RAD17: variants seen among roughly 807,000 people sequenced by gnomAD.
RAD17 encodes cell cycle checkpoint protein RAD17.
In RAD17, 31 loss-of-function variants were observed where a neutral mutation model predicts 81.5. The observed-to-expected ratio is 0.38, with a 90% CI of 0.29 to 0.51. The LOEUF is 0.51. RAD17 is among the 20% of genes least tolerant of loss of function. The pLI is 0.88. For synonymous variants in RAD17, 261 were observed against 266.2 expected (o/e 0.98, Z 0.19); for missense variants, 681 against 781.2 (o/e 0.87, Z 1.53).
chr5:69,394,964 AT>A (rs1379631857), intron 15 of RAD17, among the ~76,000 whole-genome samples: 1 of 152,118 alleles, frequency 6.6e-6, no homozygotes, highest in African/African-American at 2.4e-5. Flanking sequence ...AGGTGGGAGG[AT>A]GGCTTGAGCC....
chr5:69,396,256 T>A, intron 15 of RAD17, 141 bp from the exon 16 acceptor site: 1 of 802,578 alleles, frequency 1.2e-6, no homozygotes, highest in Non-Finnish European at 1.8e-6. Flanking sequence ...TTTATAGTGC[T>A]GTTATTTATA....
chr5:69,401,446 TATG>T (rs1317504827), intron 17 of RAD17, among the ~76,000 whole-genome samples: 5 of 152,140 alleles, frequency 3.3e-5, no homozygotes, highest in South Asian at 2.1e-4. Context: ...TATTTAACCT[TATG>T]ATGGATATTT....
At chr5:69,395,809 G>A (rs1194495211) in intron 15 of RAD17, among the ~76,000 whole-genome samples, 1 of 151,966 alleles carries the variant, frequency 6.6e-6, no homozygotes, top group African/African-American at 2.4e-5. Context: ...ATTTGTTTCT[G>A]GCTGAATAAT....
rs1290908851 is a variant in RAD17, at chr5:69,414,740, T to G, written c.*448T>G. The G allele has an allele frequency of 1.7e-5, 3 of 171,680 alleles. No individual in the cohort carries two copies. Among genetic ancestry groups the G allele is most frequent in the Non-Finnish European group, 2.5e-5 (2 of 79,650 alleles). The allele number at this position is 171,680 out of a possible 1,614,324, so 10.6% of individuals were successfully genotyped here. On this transcript the variant is annotated 3_prime_UTR_variant, in exon 19 of 19. Transcript: ENST00000354868. ...TTTTGATGTGTTGTACAGTGGAATATCTTAGATACTTTTTGGAAAGTATTT... is the reference window on the plus strand; with the variant it reads ...TTTTGATGTGTTGTACAGTGGAATAGCTTAGATACTTTTTGGAAAGTATTT...
At chr5:69,373,179 T>C (rs894836975) in intron 4 of RAD17, among the ~76,000 whole-genome samples, 4 of 152,228 alleles carry the variant, frequency 2.6e-5, no homozygotes, top group Non-Finnish European at 4.4e-5. Flanking sequence ...ATCATTTGTT[T>C]ATTTTGTTTT....
At chr5:69,410,009 T>G (rs1357316389) in intron 17 of RAD17, among the ~76,000 whole-genome samples, 3 of 151,984 alleles carry the variant, frequency 2.0e-5, no homozygotes, top group Non-Finnish European at 4.4e-5. Flanking sequence ...TAAAGCTGAG[T>G]AATATTCCAT....
intron 8 of RAD17, 100 bp downstream of exon 8, chr5:69,385,033 C>T (rs150931089): frequency 0.022 from 23,107 of 1,048,870 alleles, 279 homozygotes; most frequent in Non-Finnish European, 0.026. Context: ...GATCTCAGCT[C>T]ATTGCAAGCT....
At chr5:69,371,327 A>G (rs1762969680) in intron 2 of RAD17, 127 bp from the exon 3 acceptor site, 4 of 488,946 alleles carry the variant, frequency 8.2e-6, no homozygotes, top group Non-Finnish European at 1.5e-5. Flanking sequence ...ACTTAAATTT[A>G]CTGTTCTTTT....
intron 2 of RAD17, 91 bp from the exon 3 acceptor site, chr5:69,371,363 A>G (rs1762971820): frequency 2.0e-6 from 1 of 497,420 alleles, no homozygotes; most frequent in Non-Finnish European, 3.6e-6. Flanking sequence ...CCTTTATTGT[A>G]TTGTTGATTA....
intron 15 of RAD17, among the ~76,000 whole-genome samples, chr5:69,395,648 G>GTACC (rs1399754858): frequency 1.3e-5 from 2 of 151,680 alleles, no homozygotes; most frequent in African/African-American, 2.4e-5. Flanking sequence ...AATGACCCCT[G>GTACC]TACCTCATAA....
At chr5:69,412,411 C>T (rs914967185) in intron 18 of RAD17, among the ~76,000 whole-genome samples, 6 of 152,008 alleles carry the variant, frequency 3.9e-5, no homozygotes, top group African/African-American at 1.5e-4. Context: ...TGTAATTCAA[C>T]CTACACGTTA....
intron 6 of RAD17, 46 bp downstream of exon 6, chr5:69,374,757 C>G: frequency 6.3e-6 from 9 of 1,434,674 alleles, no homozygotes; most frequent in Non-Finnish European, 8.7e-6. Flanking sequence ...AAATATTTTT[C>G]TGACTTACAG....
chr5:69,400,042 TA>T lies in RAD17; in HGVS notation c.1573-6del. 1 of 1,555,856 alleles carries T rather than the reference TA, an allele frequency of 6.4e-7. No individual in the cohort carries two copies. The highest frequency in any genetic ancestry group is 8.7e-7 in the Non-Finnish European group (1 of 1,151,076). On this transcript the variant is annotated splice_polypyrimidine_tract_variant and splice_region_variant and intron_variant, in intron 16 of 18. Transcript: ENST00000354868. ...CCTTTCATCTTTTTTTTTTCTTTTC[TA>T]TACAGTATCGGGAAAATTGCCTGGC...
At chr5:69,396,193 G>T (rs913319045) in intron 15 of RAD17, among the ~76,000 whole-genome samples, 2 of 152,124 alleles carry the variant, frequency 1.3e-5, no homozygotes, top group Admixed American at 6.6e-5. Context: ...TCCAGTCAGG[G>T]TTTACACATT....
intron 4 of RAD17, among the ~76,000 whole-genome samples, chr5:69,373,223 TTCAA>T (rs1763113890): frequency 6.6e-6 from 1 of 152,188 alleles, no homozygotes; most frequent in Non-Finnish European, 1.5e-5. Flanking sequence ...ATATTTATGT[TTCAA>T]TCCTACAGAG....
chr5:69,414,056 A>G lies in RAD17; in HGVS notation c.1777A>G (p.Arg593Gly), dbSNP rs1766213833. The stretch of plus-strand genomic sequence containing the variant: ...ATTGAAAATGGAAGCCCTGACTGAC[A>G]GGGAACATGGAATGATAGACCCTGA... ...GRLKMEALTD[R>G]EHGMIDPDSG... The change falls in exon 19 of 19, where the codon AGG becomes GGG. Residue 593 changes from arginine (R) to glycine (G), a missense_variant. Transcript: ENST00000354868. 1.9e-6 allele frequency: 3 copies of G among 1,614,246 alleles called. No homozygotes were observed. The highest frequency in any genetic ancestry group is 1.1e-5 in the South Asian group (1 of 91,086).
chr5:69,400,114 C>T lies in RAD17; in HGVS notation c.1638C>T (p.Leu546=), dbSNP rs371499914. 4 of 1,602,230 alleles carry T rather than the reference C, an allele frequency of 2.5e-6. No individual in the cohort carries two copies. The highest frequency in any genetic ancestry group is 1.7e-6 in the Non-Finnish European group (2 of 1,174,748). ...ACTTCTGCCTACCAGCTTTATGCCTCCAAACTCAGCTATTGCCATACCTTG... is the reference window on the plus strand; with the variant it reads ...ACTTCTGCCTACCAGCTTTATGCCTTCAAACTCAGCTATTGCCATACCTTG... ...FPDFCLPALC[L]QTQLLPYLAL... The change falls in exon 17 of 19, where the codon CTC becomes CTT. Residue 546 remains leucine (L), a synonymous_variant. Transcript: ENST00000354868.
At position 69,391,815 on chromosome 5, in the gene RAD17, G is replaced by T; in HGVS notation, c.1007-16G>T. On this transcript the variant is annotated splice_polypyrimidine_tract_variant and intron_variant, in intron 12 of 18. Coordinates refer to ENST00000354868, the MANE Select transcript of RAD17 (RefSeq NM_133338.3). ...ATTTTAATTTAAATATTGTCACTTG[G>T]ATGTATATTATTCAGGAGAAAACAA... 7.0e-7 allele frequency: 1 copy of T among 1,430,134 alleles called. No homozygotes were observed. The allele number at this position is 1,430,134 out of a possible 1,614,324, so 88.6% of individuals were successfully genotyped here.
intron 11 of RAD17, among the ~76,000 whole-genome samples, chr5:69,387,540 A>G (rs755973211): frequency 2.1e-4 from 32 of 152,152 alleles, no homozygotes; most frequent in Non-Finnish European, 4.0e-4. Context: ...ACTGTGATGA[A>G]TTATTATGCT....
Sources: gnomAD v4.1 joint callset for allele counts (sites outside exome capture counted in the v4.1 genomes callset) on GRCh38, gnomAD v4.1.1 for gene constraint, MANE v1.5 for transcripts, NCBI Gene and HGNC (gene_info 2026-07-23, HGNC 2026-07-21) for gene names.